Variants in ST6GALNAC3 observed in about 807,000 individuals in gnomAD.
The protein encoded by ST6GALNAC3 is ST6 N-acetylgalactosaminide alpha-2,6-sialyltransferase 3.
Under a neutral mutation model 32.7 loss-of-function variants are expected in ST6GALNAC3, and 25 were observed. The ratio of observed to expected loss-of-function variants is 0.76; its 90% CI spans 0.56 to 1.07. ST6GALNAC3 has a LOEUF of 1.07. Ranked by LOEUF, ST6GALNAC3 falls within the 50% of genes least tolerant of loss-of-function variation. The pLI is 0.00. For synonymous variants in ST6GALNAC3, 129 were observed against 133.1 expected (o/e 0.97, Z 0.21); for missense variants, 355 against 382.4 (o/e 0.93, Z 0.60).
intron 1 of ST6GALNAC3, among the ~76,000 whole-genome samples, chr1:76,170,568 G>A (rs1423839897): frequency 6.6e-6 from 1 of 152,178 alleles, no homozygotes; most frequent in Admixed American, 6.5e-5. Context: ...ACTGGCCAGG[G>A]ATTATGGCAC....
intron 1 of ST6GALNAC3, among the ~76,000 whole-genome samples, chr1:76,238,710 C>G (rs984243348): frequency 2.6e-5 from 4 of 151,940 alleles, no homozygotes; most frequent in African/African-American, 9.7e-5. Context: ...AATTGGACTT[C>G]AATTATACAG....
At chr1:76,477,388 CCTAAACAGGTCTTCTG>C (rs1399306626) in intron 3 of ST6GALNAC3, among the ~76,000 whole-genome samples, 3 of 152,120 alleles carry the variant, frequency 2.0e-5, no homozygotes, top group African/African-American at 7.2e-5. Context: ...GGCCCCAGGC[CCTAAACAGGTCTTCTG>C]TGAGCCAGGC....
At chr1:76,297,398 G>A (rs1353548185) in intron 1 of ST6GALNAC3, among the ~76,000 whole-genome samples, 1 of 151,746 alleles carries the variant, frequency 6.6e-6, no homozygotes, top group Non-Finnish European at 1.5e-5. Context: ...CAGAGCCAGG[G>A]GTATGTTGTC....
chr1:76,615,169 C>T (rs894733079), intron 3 of ST6GALNAC3, among the ~76,000 whole-genome samples: 1 of 152,160 alleles, frequency 6.6e-6, no homozygotes, highest in Non-Finnish European at 1.5e-5. Flanking sequence ...CAACATCACT[C>T]ATCAGTTTCC....
intron 3 of ST6GALNAC3, among the ~76,000 whole-genome samples, chr1:76,558,867 A>T (rs959147258): frequency 3.3e-5 from 5 of 152,176 alleles, no homozygotes; most frequent in Non-Finnish European, 7.3e-5. Context: ...AAAATTGGGT[A>T]AAGAGTATGT....
intron 1 of ST6GALNAC3, among the ~76,000 whole-genome samples, chr1:76,078,525 T>C (rs1646847008): frequency 6.6e-6 from 1 of 152,210 alleles, no homozygotes; most frequent in Non-Finnish European, 1.5e-5. Context: ...TAATTATGGC[T>C]CCACTCCTTA....
chr1:76,102,422 A>AT (rs1647264816), intron 1 of ST6GALNAC3, among the ~76,000 whole-genome samples: 1 of 152,042 alleles, frequency 6.6e-6, no homozygotes, highest in African/African-American at 2.4e-5. Context: ...GTGGGTTGAA[A>AT]TTTATTATTT....
At chr1:76,083,690 A>T (rs1240024299) in intron 1 of ST6GALNAC3, among the ~76,000 whole-genome samples, 1 of 152,244 alleles carries the variant, frequency 6.6e-6, no homozygotes, top group Admixed American at 6.5e-5. Flanking sequence ...GAATTTAATA[A>T]TGTGTTTTAT....
intron 1 of ST6GALNAC3, among the ~76,000 whole-genome samples, chr1:76,085,924 G>T (rs1455837002): frequency 6.6e-6 from 1 of 152,156 alleles, no homozygotes; most frequent in Non-Finnish European, 1.5e-5. Flanking sequence ...GTAATAATTT[G>T]ATTTCTGCCT....
chr1:76,358,137 G>A (rs1226596578), intron 2 of ST6GALNAC3, among the ~76,000 whole-genome samples: 1 of 151,658 alleles, frequency 6.6e-6, no homozygotes, highest in Non-Finnish European at 1.5e-5. Flanking sequence ...TGGCTTTTTT[G>A]CCCCTATCGA....
At chr1:76,564,802 C>G (rs1309922525) in intron 3 of ST6GALNAC3, among the ~76,000 whole-genome samples, 6 of 152,062 alleles carry the variant, frequency 3.9e-5, no homozygotes, top group Non-Finnish European at 8.8e-5. Flanking sequence ...CCAGGATGGT[C>G]TCGATCTCCT....
chr1:76,074,852 G>A lies in ST6GALNAC3; in HGVS notation c.-15G>A. ...CGCGCCCGCTGCTCGGTGGCAGGAG[G>A]GCCGGCGGAGCGCCATGGCCTGCAT... On this transcript the variant is annotated 5_prime_UTR_variant, in exon 1 of 5. Coordinates refer to ENST00000328299, the MANE Select transcript of ST6GALNAC3 (RefSeq NM_152996.4). 6.3e-7 allele frequency: 1 copy of A among 1,588,204 alleles called. No homozygotes were observed. Among genetic ancestry groups the A allele is most frequent in the Non-Finnish European group, 8.6e-7 (1 of 1,167,840 alleles).
At chr1:76,528,160 T>C (rs571562809) in intron 3 of ST6GALNAC3, among the ~76,000 whole-genome samples, 1 of 152,254 alleles carries the variant, frequency 6.6e-6, no homozygotes, top group East Asian at 1.9e-4. Flanking sequence ...TAAAATTGAA[T>C]GTGAGAATAT....
chr1:76,497,502 C>G (rs1181130859), intron 3 of ST6GALNAC3, among the ~76,000 whole-genome samples: 1 of 152,190 alleles, frequency 6.6e-6, no homozygotes, highest in African/African-American at 2.4e-5. Context: ...GGATCTGTGA[C>G]TATTCACTTT....
chr1:76,490,751 A>C (rs927201364), intron 3 of ST6GALNAC3, among the ~76,000 whole-genome samples: 2 of 152,074 alleles, frequency 1.3e-5, no homozygotes, highest in African/African-American at 4.8e-5. Flanking sequence ...TCCACGTAAT[A>C]GTCAAACCTC....
intron 3 of ST6GALNAC3, among the ~76,000 whole-genome samples, chr1:76,467,258 T>C (rs1247591460): frequency 6.6e-6 from 1 of 152,000 alleles, no homozygotes; most frequent in Non-Finnish European, 1.5e-5. Flanking sequence ...TTTAACATGA[T>C]GAAGCAGTGT....
At chr1:76,396,910 C>G (rs770376174) in intron 2 of ST6GALNAC3, among the ~76,000 whole-genome samples, 2 of 152,046 alleles carry the variant, frequency 1.3e-5, no homozygotes, top group African/African-American at 2.4e-5. Context: ...GTCTTGTGTA[C>G]TAAAAGGGTA....
chr1:76,155,767 G>A (rs1651371640), intron 1 of ST6GALNAC3, among the ~76,000 whole-genome samples: 1 of 152,034 alleles, frequency 6.6e-6, no homozygotes, highest in Non-Finnish European at 1.5e-5. Flanking sequence ...GTGAGCCACC[G>A]CGCCCGGCCT....
chr1:76,395,492 A>G (rs1489349057), intron 2 of ST6GALNAC3, among the ~76,000 whole-genome samples: 1 of 152,130 alleles, frequency 6.6e-6, no homozygotes, highest in Non-Finnish European at 1.5e-5. Context: ...CCTGCATCCT[A>G]TGTTTATTGC....
Sources: gnomAD v4.1 joint callset for allele counts (sites outside exome capture counted in the v4.1 genomes callset) on GRCh38, gnomAD v4.1.1 for gene constraint, MANE v1.5 for transcripts, NCBI Gene and HGNC (gene_info 2026-07-23, HGNC 2026-07-21) for gene names.